SDK1: variants seen among roughly 807,000 people sequenced by gnomAD.
SDK1 encodes the protein sidekick cell adhesion molecule 1, also known as protein sidekick-1.
In SDK1, 157 loss-of-function variants were observed where a neutral mutation model predicts 245.5. That is an observed-to-expected ratio of 0.64 (90% CI 0.56 to 0.73). SDK1 has a LOEUF of 0.73. Ranked by LOEUF, SDK1 falls within the 30% of genes least tolerant of loss-of-function variation. SDK1 has a pLI of 0.00. For synonymous variants in SDK1, 1,647 were observed against 1,278.5 expected (o/e 1.29, Z -6.15); for missense variants, 3,583 against 3,002.3 (o/e 1.19, Z -4.52).
At chr7:4,109,339 C>G (rs1783174787) in intron 22 of SDK1, among the ~76,000 whole-genome samples, 1 of 152,240 alleles carries the variant, frequency 6.6e-6, no homozygotes, top group Non-Finnish European at 1.5e-5. Context: ...TACACAGTCT[C>G]CTCTGCATCC....
chr7:3,458,522 C>T (rs931311411), intron 1 of SDK1, among the ~76,000 whole-genome samples: 1 of 151,638 alleles, frequency 6.6e-6, no homozygotes, highest in African/African-American at 2.4e-5. Context: ...CCCCTTTTTT[C>T]TTCAGAATTT....
chr7:3,733,049 A>T (rs969600116), intron 4 of SDK1, among the ~76,000 whole-genome samples: 2 of 152,174 alleles, frequency 1.3e-5, no homozygotes, highest in Non-Finnish European at 2.9e-5. Context: ...ATCCCTGGGA[A>T]TCATTATTGC....
chr7:3,703,217 A>AT (rs1352768775), intron 4 of SDK1, among the ~76,000 whole-genome samples: 1 of 152,142 alleles, frequency 6.6e-6, no homozygotes, highest in African/African-American at 2.4e-5. Flanking sequence ...TAACCCACGT[A>AT]TTTTTCAATG....
chr7:3,383,618 G>A (rs868126456), intron 1 of SDK1, among the ~76,000 whole-genome samples: 1 of 152,082 alleles, frequency 6.6e-6, no homozygotes, highest in Non-Finnish European at 1.5e-5. Flanking sequence ...TGATATTTTC[G>A]TGTAACTTTT....
intron 4 of SDK1, among the ~76,000 whole-genome samples, chr7:3,772,076 C>G (rs1037607213): frequency 1.3e-5 from 2 of 152,282 alleles, no homozygotes; most frequent in African/African-American, 2.4e-5. Context: ...TGTACTGAAG[C>G]CTGTGTCAGA....
intron 3 of SDK1, 38 bp downstream of exon 3, chr7:3,639,148 A>G: frequency 1.6e-6 from 2 of 1,216,640 alleles, no homozygotes; most frequent in Non-Finnish European, 2.4e-6. Context: ...ATGTTAAAGA[A>G]CAAAGTGTCG....
At chr7:3,405,009 C>T (rs1045631741) in intron 1 of SDK1, among the ~76,000 whole-genome samples, 1 of 152,040 alleles carries the variant, frequency 6.6e-6, no homozygotes, top group Non-Finnish European at 1.5e-5. Flanking sequence ...ATTTTCAGAA[C>T]TGAACTAACA....
chr7:3,889,342 C>T (rs1349420474), intron 5 of SDK1, among the ~76,000 whole-genome samples: 1 of 152,230 alleles, frequency 6.6e-6, no homozygotes, highest in Non-Finnish European at 1.5e-5. Context: ...ATCCCAGAGT[C>T]AGGCCTACAG....
intron 1 of SDK1, among the ~76,000 whole-genome samples, chr7:3,552,990 C>T (rs1006508326): frequency 2.0e-5 from 3 of 151,912 alleles, no homozygotes; most frequent in African/African-American, 7.3e-5. Flanking sequence ...TATCATAAAA[C>T]TAAAACCTAT....
intron 25 of SDK1, among the ~76,000 whole-genome samples, chr7:4,122,962 C>T (rs1021594013): frequency 1.3e-5 from 2 of 152,200 alleles, no homozygotes; most frequent in Non-Finnish European, 1.5e-5. Context: ...GCTGCCTCAC[C>T]TCCCTATCTC....
Position 3,999,150 on chromosome 7 carries a change from A to G in SDK1, c.2132-11816A>G, listed in dbSNP as rs146977455. 3.6e-3 allele frequency among the ~76,000 whole-genome samples: 546 copies of G among 152,300 alleles called. 4 individuals carry two copies. Among genetic ancestry groups the G allele is most frequent in the African/African-American group, 0.012 (519 of 41,566 alleles). ...AACACACACACACACACGCACACAC[A>G]CATGTATCATGTCACCATACTTTAA... is the stretch of plus-strand genomic sequence containing the variant. On this transcript the variant is annotated intron_variant, in intron 14 of 44. Coordinates refer to ENST00000404826, the MANE Select transcript of SDK1 (RefSeq NM_152744.4).
chr7:3,674,952 A>G (rs953549895), intron 4 of SDK1, among the ~76,000 whole-genome samples: 2 of 152,296 alleles, frequency 1.3e-5, no homozygotes, highest in African/African-American at 2.4e-5. Context: ...CCCTGTGGAT[A>G]GAAGCATAGT....
At chr7:3,728,098 G>A (rs564720417) in intron 4 of SDK1, among the ~76,000 whole-genome samples, 38 of 152,300 alleles carry the variant, frequency 2.5e-4, no homozygotes, top group African/African-American at 8.7e-4. Context: ...AGTTTGAGGA[G>A]GAAGACAGCA....
chr7:3,975,799 G>A (rs994802658), intron 13 of SDK1, among the ~76,000 whole-genome samples: 1 of 152,240 alleles, frequency 6.6e-6, no homozygotes, highest in Non-Finnish European at 1.5e-5. Flanking sequence ...TTAGATAGCA[G>A]AGGTAATTGT....
At chr7:3,363,531 C>T (rs1296629246) in intron 1 of SDK1, among the ~76,000 whole-genome samples, 4 of 152,082 alleles carry the variant, frequency 2.6e-5, no homozygotes, top group Non-Finnish European at 4.4e-5. Context: ...TTTAAGACAG[C>T]GGCCCCCAAC....
intron 4 of SDK1, among the ~76,000 whole-genome samples, chr7:3,759,815 A>T (rs1258367328): frequency 6.6e-6 from 1 of 151,752 alleles, no homozygotes; most frequent in Non-Finnish European, 1.5e-5. Context: ...CTGGTCTCGA[A>T]CTCCTGACCT....
At position 4,268,447 on chromosome 7, in the gene SDK1, C is replaced by G. The variant is rs924077013; in HGVS notation, c.*3063C>G. On this transcript the variant is annotated 3_prime_UTR_variant, in exon 45 of 45. Transcript: ENST00000404826. The stretch of plus-strand genomic sequence containing the variant: ...CGCCTTCAGCCTCTCTCCCAGCCTG[C>G]TTTTATAAGGCGCACTTCACTCAAT... 5 of 1,129,220 alleles carry G rather than the reference C, an allele frequency of 4.4e-6. No homozygotes were observed. The highest frequency in any genetic ancestry group is 5.5e-6 in the Non-Finnish European group (5 of 908,542). 70.0% of individuals were successfully genotyped at this position (1,129,220 alleles called of 1,614,324 possible).
chr7:3,710,996 A>G (rs1307349167), intron 4 of SDK1, among the ~76,000 whole-genome samples: 1 of 152,232 alleles, frequency 6.6e-6, no homozygotes, highest in Non-Finnish European at 1.5e-5. Flanking sequence ...CAAACTTTAC[A>G]ATTAAATTTT....
chr7:3,363,051 T>C (rs191693095), intron 1 of SDK1, among the ~76,000 whole-genome samples: 1 of 152,310 alleles, frequency 6.6e-6, no homozygotes, highest in Admixed American at 6.5e-5. Flanking sequence ...TCTAGGATAT[T>C]GACTTTAGTA....
Sources: allele counts gnomAD v4.1 joint callset (sites outside exome capture counted in the v4.1 genomes callset), GRCh38; gene constraint gnomAD v4.1.1; transcripts MANE v1.5; gene names NCBI Gene and HGNC (gene_info 2026-07-23, HGNC 2026-07-21).